Variants in SLC30A9 observed in about 807,000 individuals in gnomAD.
The protein encoded by SLC30A9 is solute carrier family 30 member 9, also known as proton-coupled zinc antiporter SLC30A9, mitochondrial.
SLC30A9 carries 58 observed loss-of-function variants against 87.5 expected under a neutral mutation model. The ratio of observed to expected loss-of-function variants is 0.66; its 90% CI spans 0.54 to 0.82. The LOEUF (loss-of-function observed/expected upper bound fraction) is 0.82. Among genes scored for constraint, SLC30A9 ranks in the 40% least tolerant of loss-of-function variants. The pLI, the probability that SLC30A9 is intolerant of heterozygous loss-of-function variation, is 0.00. For synonymous variants in SLC30A9, 234 were observed against 233.0 expected (o/e 1.00, Z -0.04); for missense variants, 557 against 679.1 (o/e 0.82, Z 2.00).
At chr4:42,039,121 G>T in intron 8 of SLC30A9, 68 bp downstream of exon 8, 2 of 1,162,150 alleles carry the variant, frequency 1.7e-6, no homozygotes, top group South Asian at 1.3e-5. Flanking sequence ...CCTTAAATAT[G>T]TAAATTTATT....
Position 42,087,005 on chromosome 4 carries a change from G to A in SLC30A9, c.*879G>A, listed in dbSNP as rs1323901539. ...GAAATATTTATAATTTTACAGGCAG[G>A]ACAGCATTTGACTTTTATTTAAAAG... On this transcript the variant is annotated 3_prime_UTR_variant, in exon 18 of 18. Transcript: ENST00000264451. 2 of 152,092 alleles carry A rather than the reference G, an allele frequency of 1.3e-5. No individual in the cohort carries two copies. The highest frequency in any genetic ancestry group is 4.8e-5 in the African/African-American group (2 of 41,420). The allele number at this position is 152,092 out of a possible 1,614,324, so 9.4% of individuals were successfully genotyped here.
At chr4:42,054,285 G>A (rs891994845) in intron 9 of SLC30A9, among the ~76,000 whole-genome samples, 17 of 152,096 alleles carry the variant, frequency 1.1e-4, no homozygotes, top group African/African-American at 4.1e-4. Flanking sequence ...TTGAACCCGG[G>A]AGGCAGAGGT....
chr4:42,089,881 A>G lies in SLC30A9; in HGVS notation c.*3755A>G, dbSNP rs1251816856. ...TGCATACATCCTCCTACACACACAC[A>G]CATAGTGCAAAGTGAATAACAAAAT... On this transcript the variant is annotated 3_prime_UTR_variant, in exon 18 of 18. Coordinates refer to ENST00000264451, the MANE Select transcript of SLC30A9 (RefSeq NM_006345.4). 6.6e-6 allele frequency: 1 copy of G among 152,192 alleles called. No homozygotes were observed. The highest frequency in any genetic ancestry group is 1.5e-5 in the Non-Finnish European group (1 of 68,028). 9.4% of individuals were successfully genotyped at this position (152,192 alleles called of 1,614,324 possible). A position where few individuals can be genotyped will look rare whatever the true frequency, so the allele number is the denominator to read the frequency against.
At chr4:42,065,417 T>C in intron 12 of SLC30A9, 68 bp downstream of exon 12, 3 of 887,690 alleles carry the variant, frequency 3.4e-6, no homozygotes, top group Non-Finnish European at 5.6e-6. Flanking sequence ...TCCATTATTA[T>C]AGTTTGCTAA....
intron 1 of SLC30A9, among the ~76,000 whole-genome samples, chr4:41,994,761 G>T (rs576789669): frequency 6.7e-6 from 1 of 149,022 alleles, no homozygotes; most frequent in South Asian, 2.1e-4. Context: ...GGTGGTGGGC[G>T]CCTGTAATGA....
chr4:42,015,424 A>C (rs1715676359), intron 2 of SLC30A9, among the ~76,000 whole-genome samples: 1 of 152,196 alleles, frequency 6.6e-6, no homozygotes, highest in Non-Finnish European at 1.5e-5. Flanking sequence ...AACTGAAAAC[A>C]ATAAGATGGC....
intron 2 of SLC30A9, among the ~76,000 whole-genome samples, chr4:42,006,686 C>CAAA (rs61627323): frequency 1.5e-5 from 2 of 129,330 alleles, no homozygotes; most frequent in Admixed American, 7.3e-5. Context: ...GACCCTGTCT[C>CAAA]AAAAAAAAAA....
At chr4:42,072,698 A>C (rs1375782060) in intron 15 of SLC30A9, among the ~76,000 whole-genome samples, 4 of 152,080 alleles carry the variant, frequency 2.6e-5, no homozygotes, top group Non-Finnish European at 5.9e-5. Context: ...TGTGCACTTG[A>C]GAAGAATGTA....
At chr4:42,053,486 T>A (rs565509131) in intron 9 of SLC30A9, among the ~76,000 whole-genome samples, 1 of 151,914 alleles carries the variant, frequency 6.6e-6, no homozygotes, top group Non-Finnish European at 1.5e-5. Flanking sequence ...AGGTCAGGAA[T>A]TCGAGACCAG....
At chr4:42,004,729 G>T (rs983585233) in intron 2 of SLC30A9, among the ~76,000 whole-genome samples, 1 of 140,988 alleles carries the variant, frequency 7.1e-6, no homozygotes, top group African/African-American at 2.5e-5. Context: ...GTGTGATCAT[G>T]GTTCACTGCA....
Position 42,018,939 on chromosome 4 carries a change from A to C in SLC30A9, c.334+769A>C, listed in dbSNP as rs148545570. ...GCTATTTGGAAGAAATTTTTTTAAA[A>C]ATTTTTTAAAAATTTAAAAGGCGGT... On this transcript the variant is annotated intron_variant, in intron 3 of 17. Coordinates refer to ENST00000264451, the MANE Select transcript of SLC30A9 (RefSeq NM_006345.4). Among the ~76,000 whole-genome samples the C allele has an allele frequency of 1.4e-4, 22 of 152,092 alleles. No individual in the cohort carries two copies. In the East Asian group the frequency reaches 4.1e-3, roughly 28 times the overall value.
Position 42,023,344 on chromosome 4 carries a change from G to GA in SLC30A9, c.576dup (p.Leu193IlefsTer3). 6.2e-7 allele frequency: 1 copy of GA among 1,613,594 alleles called. No homozygotes were observed. The highest frequency in any genetic ancestry group is 8.5e-7 in the Non-Finnish European group (1 of 1,179,528). On this transcript the variant is annotated frameshift_variant, in exon 6 of 18. Transcript: ENST00000264451. LOFTEE classifies it high-confidence loss of function. The stretch of plus-strand genomic sequence containing the variant: ...GAAGCCCTGAAGCTCTTGCCAGAGA[G>GA]AAAAAATTGCGTAAGGAAGCAGAAA...
chr4:42,055,103 C>A (rs1717549546), intron 9 of SLC30A9, among the ~76,000 whole-genome samples: 1 of 152,152 alleles, frequency 6.6e-6, no homozygotes, highest in East Asian at 2.0e-4. Flanking sequence ...GCAGGCAGAT[C>A]ACCTGAGGTC....
At chr4:42,062,915 C>A in intron 10 of SLC30A9, 71 bp from the exon 11 acceptor site, 2 of 1,263,320 alleles carry the variant, frequency 1.6e-6, no homozygotes, top group South Asian at 1.5e-5. Context: ...TTTCATTGAC[C>A]TATTAAGCAC....
At chr4:42,069,453 A>G (rs1375845643) in intron 14 of SLC30A9, among the ~76,000 whole-genome samples, 1 of 152,208 alleles carries the variant, frequency 6.6e-6, no homozygotes, top group Non-Finnish European at 1.5e-5. Flanking sequence ...TTGGATTTCT[A>G]AAGAGCAGTA....
At chr4:42,070,402 T>C (rs1313722663) in intron 14 of SLC30A9, 124 bp from the exon 15 acceptor site, 4 of 658,276 alleles carry the variant, frequency 6.1e-6, no homozygotes, top group Non-Finnish European at 1.0e-5. Flanking sequence ...AAGGAAGTAA[T>C]TAAAGAAATT....
intron 16 of SLC30A9, among the ~76,000 whole-genome samples, chr4:42,077,366 C>A (rs565973831): frequency 6.6e-6 from 1 of 152,144 alleles, no homozygotes; most frequent in Non-Finnish European, 1.5e-5. Context: ...AGTTCATTTG[C>A]ATTACACTTA....
intron 17 of SLC30A9, among the ~76,000 whole-genome samples, chr4:42,084,769 C>T (rs1718865664): frequency 6.6e-6 from 1 of 152,040 alleles, no homozygotes. Flanking sequence ...CCGCGCCCGG[C>T]CAGGTGCCCT....
chr4:42,023,529 A>G, intron 6 of SLC30A9, 145 bp downstream of exon 6: 1 of 574,734 alleles, frequency 1.7e-6, no homozygotes, highest in East Asian at 2.8e-5. Flanking sequence ...TTTGGGATTC[A>G]ATTATTTCAC....
Sources: allele counts gnomAD v4.1 joint callset (sites outside exome capture counted in the v4.1 genomes callset), GRCh38; gene constraint gnomAD v4.1.1; transcripts MANE v1.5; gene names NCBI Gene and HGNC (gene_info 2026-07-23, HGNC 2026-07-21).